UGT1A10: variants seen among roughly 807,000 people sequenced by gnomAD.
UGT1A10 encodes the protein UDP glucuronosyltransferase family 1 member A10.
UGT1A10 carries 49 observed loss-of-function variants against 45.8 expected under a neutral mutation model. The observed-to-expected ratio is 1.07, with a 90% CI of 0.85 to 1.36. The LOEUF (loss-of-function observed/expected upper bound fraction) is 1.36, where lower values mean the gene tolerates loss of function less well. Ranked by LOEUF, UGT1A10 falls within the 40% of genes most tolerant of loss-of-function variation. The pLI, the probability that UGT1A10 is intolerant of heterozygous loss-of-function variation, is 0.00. For missense variants in UGT1A10, 745 were observed against 668.6 expected (o/e 1.11, Z -1.26); for synonymous variants, 284 against 249.7 (o/e 1.14, Z -1.29).
intron 1 of UGT1A10, among the ~76,000 whole-genome samples, chr2:233,740,081 G>A (rs375117222): frequency 1.3e-5 from 2 of 151,740 alleles, no homozygotes; most frequent in African/African-American, 2.4e-5. Flanking sequence ...TCTGTCTCTC[G>A]CCTGCTGCCA....
At chr2:233,743,813 T>G (rs964815042) in intron 1 of UGT1A10, 1 of 1,367,084 alleles carries the variant, frequency 7.3e-7, no homozygotes, top group South Asian at 1.1e-5. Context: ...GTTCTCAGGG[T>G]TTTTGTCGGG....
intron 1 of UGT1A10, among the ~76,000 whole-genome samples, chr2:233,761,398 A>G (rs1697764462): frequency 6.6e-6 from 1 of 152,192 alleles, no homozygotes; most frequent in Non-Finnish European, 1.5e-5. Context: ...AGTGGATAGT[A>G]ATCAATTAGA....
At chr2:233,647,548 A>G (rs1331404418) in intron 1 of UGT1A10, among the ~76,000 whole-genome samples, 2 of 152,226 alleles carry the variant, frequency 1.3e-5, no homozygotes, top group African/African-American at 4.8e-5. Flanking sequence ...TGAAGTCAAA[A>G]TTCAATTTGA....
chr2:233,651,385 G>A (rs2125476616), intron 1 of UGT1A10, among the ~76,000 whole-genome samples: 1 of 152,062 alleles, frequency 6.6e-6, no homozygotes, highest in South Asian at 2.1e-4. Context: ...AAACATATTG[G>A]CCATATATCA....
intron 1 of UGT1A10, among the ~76,000 whole-genome samples, chr2:233,669,900 G>A (rs778502077): frequency 6.6e-6 from 1 of 152,004 alleles, no homozygotes; most frequent in African/African-American, 2.4e-5. Flanking sequence ...GGCCAGGCTG[G>A]TCTCCAACTC....
intron 1 of UGT1A10, among the ~76,000 whole-genome samples, chr2:233,639,409 A>G (rs910789430): frequency 6.6e-6 from 1 of 152,208 alleles, no homozygotes; most frequent in Non-Finnish European, 1.5e-5. Flanking sequence ...CCACAAAAGT[A>G]AAAGTAAATT....
At position 233,757,048 on chromosome 2, in the gene UGT1A10, T is replaced by C. The variant is rs536754863; in HGVS notation, c.856-9986T>C. On this transcript the variant is annotated intron_variant, in intron 1 of 4. Transcript: ENST00000344644. ...CAATTTGAGAACATCAAAGGAAGTT[T>C]GGGGAACAGCAAGGGATCCAGAATG... is the stretch of plus-strand genomic sequence containing the variant. Among the ~76,000 whole-genome samples, 5 of 151,546 alleles carry C rather than the reference T, an allele frequency of 3.3e-5. No individual in the cohort carries two copies. In the South Asian group the frequency reaches 1.0e-3, roughly 32 times the overall value.
Position 233,772,319 on chromosome 2 carries a change from GCT to G in UGT1A10, c.1354_1355del (p.Leu452GlyfsTer53). ...TTCACAAGGACCGCCCGGTGGAGCC[GCT>G]GGACCTGGCCGTGTTCTGGGTGGAG... ...SLHKDRPVEP[L>X]DLAVFWVEFV... On this transcript the variant is annotated frameshift_variant, in exon 5 of 5. Coordinates refer to ENST00000344644, the MANE Select transcript of UGT1A10 (RefSeq NM_019075.4). LOFTEE classifies it high-confidence loss of function. 1 of 1,614,164 alleles carries G rather than the reference GCT, an allele frequency of 6.2e-7. No homozygotes were observed. Among genetic ancestry groups the G allele is most frequent in the Non-Finnish European group, 8.5e-7 (1 of 1,180,030 alleles).
At chr2:233,659,962 C>T (rs2073933116) in intron 1 of UGT1A10, among the ~76,000 whole-genome samples, 2 of 152,198 alleles carry the variant, frequency 1.3e-5, no homozygotes, top group South Asian at 4.1e-4. Context: ...GTTAATTCCT[C>T]AGGTGTGGTG....
chr2:233,727,225 C>T (rs1417750017), intron 1 of UGT1A10, among the ~76,000 whole-genome samples: 8 of 152,168 alleles, frequency 5.3e-5, no homozygotes, highest in South Asian at 4.1e-4. Context: ...TCCACATATG[C>T]GGATGGCTCC....
chr2:233,672,396 C>T (rs367716901), intron 1 of UGT1A10: 17 of 1,613,928 alleles, frequency 1.1e-5, no homozygotes, highest in Non-Finnish European at 1.4e-5. Flanking sequence ...ATAACTGTGG[C>T]TTAATTGTTG....
intron 1 of UGT1A10, among the ~76,000 whole-genome samples, chr2:233,699,734 C>G (rs943749352): frequency 6.6e-6 from 1 of 152,176 alleles, no homozygotes. Flanking sequence ...GGAGCGTTTT[C>G]CCAGAAAACT....
At chr2:233,638,169 CAT>C (rs1302371070) in intron 1 of UGT1A10, among the ~76,000 whole-genome samples, 2 of 152,122 alleles carry the variant, frequency 1.3e-5, no homozygotes. Flanking sequence ...TGTTCAGGAA[CAT>C]ATATGTCTCA....
intron 1 of UGT1A10, among the ~76,000 whole-genome samples, chr2:233,699,366 T>C (rs908833552): frequency 1.3e-5 from 2 of 152,240 alleles, no homozygotes; most frequent in African/African-American, 4.8e-5. Flanking sequence ...CTTATTGGTA[T>C]GGCTAGATTT....
intron 1 of UGT1A10, among the ~76,000 whole-genome samples, chr2:233,760,004 A>G (rs1697302035): frequency 6.6e-6 from 1 of 152,168 alleles, no homozygotes; most frequent in South Asian, 2.1e-4. Flanking sequence ...TGGAAATACT[A>G]ATTTAATGGA....
In UGT1A10 at chr2:233,636,578, C is replaced by G; in HGVS notation, c.56C>G (p.Thr19Ser). ...CCTTTATGTGTGTGTCTACTGCTGA[C>G]CTGTGGCTTTGCCGAGGCAGGGAAG... The part of the protein sequence containing the change: ...PVPLCVCLLL[T>S]CGFAEAGKLL... Residue 19 changes from threonine to serine, a missense_variant, in exon 1 of 5, where the codon ACC becomes AGC. Thr to Ser is a moderately conservative substitution (Grantham distance 58). Coordinates refer to ENST00000344644, the MANE Select transcript of UGT1A10 (RefSeq NM_019075.4). The G allele has an allele frequency of 6.2e-7, 1 of 1,614,162 alleles. No individual in the cohort carries two copies. Among genetic ancestry groups the G allele is most frequent in the South Asian group, 1.1e-5 (1 of 91,080 alleles).
chr2:233,696,161 G>GA (rs943531214), intron 1 of UGT1A10, among the ~76,000 whole-genome samples: 5 of 151,944 alleles, frequency 3.3e-5, no homozygotes, highest in African/African-American at 4.8e-5. Context: ...ATATCCAAAA[G>GA]AAAAAAATAT....
intron 1 of UGT1A10, among the ~76,000 whole-genome samples, chr2:233,746,557 T>G (rs1301694420): frequency 6.6e-6 from 1 of 151,810 alleles, no homozygotes; most frequent in Non-Finnish European, 1.5e-5. Flanking sequence ...TCTTAGCCCC[T>G]AGAGCACCAC....
intron 1 of UGT1A10, among the ~76,000 whole-genome samples, chr2:233,747,034 C>T (rs1693545520): frequency 6.6e-6 from 1 of 151,808 alleles, no homozygotes; most frequent in Non-Finnish European, 1.5e-5. Context: ...CGAAGTGGGA[C>T]CCATAATGAA....
Sources: gnomAD v4.1 joint callset for allele counts (sites outside exome capture counted in the v4.1 genomes callset) on GRCh38, gnomAD v4.1.1 for gene constraint, MANE v1.5 for transcripts, NCBI Gene and HGNC (gene_info 2026-07-23, HGNC 2026-07-21) for gene names.